Variants in TIMP3 observed in about 807,000 individuals in gnomAD.
TIMP3 encodes TIMP metallopeptidase inhibitor 3, also known as metalloproteinase inhibitor 3.
Under a neutral mutation model 30.0 loss-of-function variants are expected in TIMP3, and 11 were observed. The ratio of observed to expected loss-of-function variants is 0.37; its 90% confidence interval spans 0.23 to 0.61. TIMP3 has a LOEUF of 0.61. TIMP3 is among the 20% of genes least tolerant of loss of function. The probability of loss-of-function intolerance (pLI) is 0.70; values close to 1 mark genes in which losing one functional copy is unlikely to be tolerated. For synonymous variants in TIMP3, 112 were observed against 111.3 expected (o/e 1.01, Z -0.04); for missense variants, 181 against 276.8 (o/e 0.65, Z 2.45).
chr22:32,854,907 A>C (rs750367338), intron 2 of TIMP3, among the ~76,000 whole-genome samples: 1 of 152,200 alleles, frequency 6.6e-6, no homozygotes, highest in Non-Finnish European at 1.5e-5. Flanking sequence ...AAGTTATGCT[A>C]TGAAGGTCTT....
chr22:32,815,492 T>G (rs1451088644), intron 1 of TIMP3, among the ~76,000 whole-genome samples: 1 of 152,206 alleles, frequency 6.6e-6, no homozygotes, highest in East Asian at 1.9e-4. Flanking sequence ...ATTATCTCCT[T>G]TAAACTCTCA....
intron 1 of TIMP3, among the ~76,000 whole-genome samples, chr22:32,822,228 G>A (rs1376822530): frequency 1.3e-5 from 2 of 151,698 alleles, no homozygotes; most frequent in Non-Finnish European, 2.9e-5. Flanking sequence ...CTCCGAGGCT[G>A]GCTCCTGTGC....
rs994442343 is a variant in TIMP3, at chr22:32,858,261, G to A, written c.438+123G>A. The A allele has an allele frequency of 2.9e-6, 4 of 1,368,348 alleles. No homozygotes were observed. The African/African-American group carries it at 4.3e-5, about 15-fold the overall frequency. 84.8% of individuals were successfully genotyped at this position (1,368,348 alleles called of 1,614,324 possible). On this transcript the variant is annotated intron_variant, in intron 4 of 4. Coordinates refer to ENST00000266085, the MANE Select transcript of TIMP3 (RefSeq NM_000362.5). ...GAAGGGTATGCATGTGTTAGGCCAG[G>A]GCAGAGGGGCAGGTCTGAGCAGATA... is the stretch of plus-strand genomic sequence containing the variant.
At chr22:32,806,171 C>G (rs891841673) in intron 1 of TIMP3, among the ~76,000 whole-genome samples, 2 of 152,044 alleles carry the variant, frequency 1.3e-5, no homozygotes, top group Non-Finnish European at 1.5e-5. Flanking sequence ...GGTACCCGGT[C>G]TGCCAGTGTG....
intron 1 of TIMP3, among the ~76,000 whole-genome samples, chr22:32,819,499 T>G (rs1032151062): frequency 6.6e-6 from 1 of 152,228 alleles, no homozygotes; most frequent in Non-Finnish European, 1.5e-5. Context: ...AAGGTCCCAT[T>G]AATACATATG....
intron 1 of TIMP3, among the ~76,000 whole-genome samples, chr22:32,807,568 G>A (rs1487323703): frequency 1.3e-5 from 2 of 149,376 alleles, no homozygotes; most frequent in Non-Finnish European, 1.5e-5. Context: ...TCAGTTTTAT[G>A]AGGGAGGTGT....
At chr22:32,807,393 T>A (rs7292439) in intron 1 of TIMP3, among the ~76,000 whole-genome samples, 1 of 101,690 alleles carries the variant, frequency 9.8e-6, no homozygotes, top group Admixed American at 1.2e-4. Context: ...ATATTATATA[T>A]AATATATATA....
chr22:32,841,637 G>A (rs1195510410), intron 1 of TIMP3, among the ~76,000 whole-genome samples: 2 of 151,392 alleles, frequency 1.3e-5, no homozygotes, highest in African/African-American at 4.9e-5. Context: ...GGATATATAA[G>A]TAAAAAGATC....
intron 1 of TIMP3, among the ~76,000 whole-genome samples, chr22:32,804,478 G>A (rs1164751935): frequency 6.6e-6 from 1 of 152,312 alleles, no homozygotes; most frequent in South Asian, 2.1e-4. Context: ...CCCCCTAAAG[G>A]TGTTCACATC....
chr22:32,858,320 G>A (rs975027359), intron 4 of TIMP3, among the ~76,000 whole-genome samples, 182 bp downstream of exon 4: 30 of 152,208 alleles, frequency 2.0e-4, no homozygotes, highest in African/African-American at 6.8e-4. Flanking sequence ...GGGGCAGTGA[G>A]GAAGGCAGGG....
At chr22:32,852,814 G>C (rs1468718506) in intron 2 of TIMP3, among the ~76,000 whole-genome samples, 2 of 152,312 alleles carry the variant, frequency 1.3e-5, no homozygotes, top group South Asian at 4.1e-4. Flanking sequence ...AAATTAGCTG[G>C]GCTGTGGGGT....
intron 1 of TIMP3, among the ~76,000 whole-genome samples, chr22:32,838,841 A>G (rs1294364180): frequency 6.6e-6 from 1 of 151,782 alleles, no homozygotes; most frequent in African/African-American, 2.4e-5. Context: ...CCCTGGCCAC[A>G]ATCTAGGCTC....
chr22:32,831,005 A>G (rs535017357), intron 1 of TIMP3, among the ~76,000 whole-genome samples: 1 of 152,282 alleles, frequency 6.6e-6, no homozygotes, highest in Non-Finnish European at 1.5e-5. Flanking sequence ...GAGAAACATG[A>G]AGGTAAAAAT....
intron 1 of TIMP3, among the ~76,000 whole-genome samples, chr22:32,846,055 A>G (rs12627757): frequency 2.0e-5 from 3 of 152,280 alleles, no homozygotes; most frequent in African/African-American, 7.2e-5. Context: ...GCAGAATGTA[A>G]CTTAATTTTA....
chr22:32,845,683 A>C (rs1022081279), intron 1 of TIMP3, among the ~76,000 whole-genome samples: 1 of 152,110 alleles, frequency 6.6e-6, no homozygotes. Flanking sequence ...CTCCAGCATG[A>C]ATGGGAATAA....
At chr22:32,833,798 G>A (rs1170468525) in intron 1 of TIMP3, 1 of 499,514 alleles carries the variant, frequency 2.0e-6, no homozygotes, top group Non-Finnish European at 4.0e-6. Flanking sequence ...TACTTTATAG[G>A]GCCCTAGTGA....
At chr22:32,857,468 T>C in intron 3 of TIMP3, 108 bp downstream of exon 3, 1 of 847,560 alleles carries the variant, frequency 1.2e-6, no homozygotes, top group South Asian at 1.4e-5. Context: ...TCCAGTAAAT[T>C]GTAAGGAGTC....
chr22:32,811,155 A>G (rs1184443368), intron 1 of TIMP3, among the ~76,000 whole-genome samples: 1 of 152,078 alleles, frequency 6.6e-6, no homozygotes. Flanking sequence ...AGAACTGACT[A>G]TACGGTAATA....
intron 1 of TIMP3, among the ~76,000 whole-genome samples, chr22:32,835,411 T>A (rs2047701628): frequency 6.6e-6 from 1 of 152,160 alleles, no homozygotes; most frequent in Admixed American, 6.5e-5. Context: ...AACATATAGT[T>A]ACATACACAC....
Sources: gnomAD v4.1 joint callset for allele counts (sites outside exome capture counted in the v4.1 genomes callset) on GRCh38, gnomAD v4.1.1 for gene constraint, MANE v1.5 for transcripts, NCBI Gene and HGNC (gene_info 2026-07-23, HGNC 2026-07-21) for gene names.